The following CMIP variants were observed in gnomAD, a reference collection of about 807,000 sequenced individuals.
CMIP encodes the protein C-Maf-inducing protein.
In CMIP, 13 loss-of-function variants were observed where a neutral mutation model predicts 97.3. The ratio of observed to expected loss-of-function variants is 0.13; its 90% CI spans 0.09 to 0.21. CMIP has a LOEUF of 0.21. Ranked by LOEUF, CMIP falls within the 10% of genes least tolerant of loss-of-function variation. The pLI, the probability that CMIP is intolerant of heterozygous loss-of-function variation, is 1.00. For synonymous variants in CMIP, 538 were observed against 436.3 expected, an observed-to-expected ratio of 1.23 and a Z score of -2.91; for missense variants, 847 against 1,024.9, an observed-to-expected ratio of 0.83 and a Z score of 2.37.
intron 1 of CMIP, among the ~76,000 whole-genome samples, chr16:81,452,285 C>G (rs945600271): frequency 4.6e-5 from 7 of 152,242 alleles, no homozygotes; most frequent in Non-Finnish European, 1.5e-5. Context: ...TTGGGCAGGT[C>G]CCCTAGCCTG....
chr16:81,561,521 G>T (rs12920332), intron 1 of CMIP, among the ~76,000 whole-genome samples: 1 of 151,920 alleles, frequency 6.6e-6, no homozygotes, highest in Non-Finnish European at 1.5e-5. Context: ...CAGGAAGCCA[G>T]TGGGGGCTAC....
In CMIP at chr16:81,624,070, T is replaced by G. The variant is rs1384933072; in HGVS notation, c.477+3144T>G. Among the ~76,000 whole-genome samples, 3 of 152,274 alleles carry G rather than the reference T, an allele frequency of 2.0e-5. No individual in the cohort carries two copies. The East Asian group carries it at 5.8e-4, about 29-fold the overall frequency. On this transcript the variant is annotated intron_variant, in intron 3 of 20. Coordinates refer to ENST00000537098, the MANE Select transcript of CMIP (RefSeq NM_198390.3). Reference sequence around the variant, plus strand: ...CCCTCTTTATTTACAACCACCTATTTGAGGTTTTTCTTTTTCTTTTCCTTC... The same window carrying G: ...CCCTCTTTATTTACAACCACCTATTGGAGGTTTTTCTTTTTCTTTTCCTTC...
At chr16:81,520,803 G>C (rs2090009915) in intron 1 of CMIP, among the ~76,000 whole-genome samples, 1 of 152,124 alleles carries the variant, frequency 6.6e-6, no homozygotes, top group South Asian at 2.1e-4. Flanking sequence ...GTGTAAAATG[G>C]GTGTAGGAAG....
chr16:81,659,084 C>T (rs866704664), intron 5 of CMIP, among the ~76,000 whole-genome samples: 2 of 152,338 alleles, frequency 1.3e-5, no homozygotes, highest in South Asian at 2.1e-4. Flanking sequence ...TGCTTTCACC[C>T]GGACTGTCCA....
intron 1 of CMIP, among the ~76,000 whole-genome samples, chr16:81,531,669 G>A (rs1036208741): frequency 3.9e-5 from 6 of 152,222 alleles, no homozygotes; most frequent in Admixed American, 1.3e-4. Flanking sequence ...ACCTTTGCTT[G>A]GAGAACTGGG....
At chr16:81,705,706 T>C (rs769156867) in intron 19 of CMIP, 102 bp downstream of exon 19, 3 of 706,244 alleles carry the variant, frequency 4.2e-6, no homozygotes, top group South Asian at 1.8e-5. Context: ...CATGCACAGA[T>C]AGAGAAATTC....
chr16:81,539,364 C>G (rs760347620), intron 1 of CMIP, among the ~76,000 whole-genome samples: 2 of 150,888 alleles, frequency 1.3e-5, no homozygotes, highest in Non-Finnish European at 2.9e-5. Flanking sequence ...CAATGTCTGG[C>G]TGTTCAGGGG....
chr16:81,457,689 G>C (rs2150734946), intron 1 of CMIP, among the ~76,000 whole-genome samples: 1 of 152,328 alleles, frequency 6.6e-6, no homozygotes, highest in African/African-American at 2.4e-5. Flanking sequence ...CCATTTTCTG[G>C]AGCAGGCAGG....
chr16:81,488,164 A>G (rs1310471113), intron 1 of CMIP, among the ~76,000 whole-genome samples: 1 of 152,022 alleles, frequency 6.6e-6, no homozygotes, highest in African/African-American at 2.4e-5. Flanking sequence ...GTACATTGTT[A>G]TTATTGTTAT....
At chr16:81,688,194 C>G (rs1427684222) in intron 10 of CMIP, among the ~76,000 whole-genome samples, 1 of 152,186 alleles carries the variant, frequency 6.6e-6, no homozygotes, top group Non-Finnish European at 1.5e-5. Flanking sequence ...TTTACCCCTT[C>G]CTAGGCTGTG....
rs1369798924 is a variant in CMIP at position 81,670,217 on chromosome 16, A to G, written c.901A>G (p.Met301Val). 6.2e-7 allele frequency: 1 copy of G among 1,611,272 alleles called. No individual in the cohort carries two copies. Among genetic ancestry groups the G allele is most frequent in the Admixed American group, 1.7e-5 (1 of 59,702 alleles). Residue 301 changes from methionine to valine, a missense_variant, in exon 8 of 21, where the codon ATG (methionine) becomes GTG (valine). Around this residue, in one of 4 missense-constraint regions of CMIP, gnomAD observed 285 missense variants for 392.2 expected, o/e 0.73. Coordinates refer to ENST00000537098, the MANE Select transcript of CMIP (RefSeq NM_198390.3). ...ILALNELNAGMEVVKKFIQSM... is the reference protein window; with the variant it reads ...ILALNELNAGVEVVKKFIQSM... ...TGCCTTGAACGAGCTCAACGCGGGGATGGAAGTGGTGAAGAAGTTCATTCA... is the reference window on the plus strand; with the variant it reads ...TGCCTTGAACGAGCTCAACGCGGGGGTGGAAGTGGTGAAGAAGTTCATTCA...
chr16:81,711,141 C>G lies in CMIP; in HGVS notation c.*1342C>G, dbSNP rs1017053273. On this transcript the variant is annotated 3_prime_UTR_variant, in exon 21 of 21. Coordinates refer to ENST00000537098, the MANE Select transcript of CMIP (RefSeq NM_198390.3). ...ACAGTCGGCTTTTTCTTAATAAGCC[C>G]TCACTGTACAGAACAGCCCGTTGAT... is the stretch of plus-strand genomic sequence containing the variant. The G allele has an allele frequency of 6.6e-6, 1 of 152,280 alleles. No homozygotes were observed. The highest frequency in any genetic ancestry group is 2.4e-5 in the African/African-American group (1 of 41,314). 9.4% of individuals were successfully genotyped at this position (152,280 alleles called of 1,614,324 possible).
intron 18 of CMIP, among the ~76,000 whole-genome samples, chr16:81,704,849 G>T (rs528479212): frequency 1.0e-3 from 156 of 150,842 alleles, no homozygotes; most frequent in Non-Finnish European, 2.0e-3. Flanking sequence ...ATGAAGCCCT[G>T]CAGCCCATTT....
At chr16:81,679,247 G>T (rs1344761112) in intron 10 of CMIP, among the ~76,000 whole-genome samples, 1 of 149,282 alleles carries the variant, frequency 6.7e-6, no homozygotes, top group Non-Finnish European at 1.5e-5. Flanking sequence ...GGATTTCTCT[G>T]TAGGGATGTG....
At chr16:81,640,864 C>T (rs1231747958) in intron 3 of CMIP, among the ~76,000 whole-genome samples, 2 of 151,890 alleles carry the variant, frequency 1.3e-5, no homozygotes, top group Admixed American at 6.6e-5. Context: ...TTAATTATAT[C>T]TGCGAAGACC....
At chr16:81,459,378 G>A (rs1211370234) in intron 1 of CMIP, among the ~76,000 whole-genome samples, 2 of 152,054 alleles carry the variant, frequency 1.3e-5, no homozygotes, top group African/African-American at 2.4e-5. Flanking sequence ...GTGACCCCGT[G>A]CCGTGACCCT....
At chr16:81,676,910 T>C (rs1904335987) in intron 9 of CMIP, among the ~76,000 whole-genome samples, 1 of 152,156 alleles carries the variant, frequency 6.6e-6, no homozygotes, top group African/African-American at 2.4e-5. Context: ...CCCATGCATG[T>C]GACACATGTG....
At chr16:81,531,740 C>T (rs1221042101) in intron 1 of CMIP, among the ~76,000 whole-genome samples, 2 of 152,188 alleles carry the variant, frequency 1.3e-5, no homozygotes, top group African/African-American at 4.8e-5. Flanking sequence ...AGAGGTCAAC[C>T]CGTGTGTCAT....
At chr16:81,468,783 G>T (rs533565060) in intron 1 of CMIP, among the ~76,000 whole-genome samples, 2 of 152,368 alleles carry the variant, frequency 1.3e-5, no homozygotes, top group Admixed American at 6.5e-5. Flanking sequence ...GCCAGGAGGA[G>T]AAAGCAGGGA....
Sources: allele counts gnomAD v4.1 joint callset (sites outside exome capture counted in the v4.1 genomes callset), GRCh38; gene constraint gnomAD v4.1.1; regional missense constraint gnomAD v4.1.1; transcripts MANE v1.5; gene names NCBI Gene and HGNC (gene_info 2026-07-23, HGNC 2026-07-21).